Variants in HIRA observed in about 807,000 individuals in gnomAD.
HIRA encodes the protein protein HIRA.
HIRA carries 13 observed loss-of-function variants against 126.6 expected under a neutral mutation model. The observed-to-expected ratio is 0.10, with a 90% CI of 0.07 to 0.16. HIRA has a LOEUF of 0.16. Ranked by LOEUF, HIRA falls within the 10% of genes least tolerant of loss-of-function variation. The probability of loss-of-function intolerance (pLI) is 1.00; values close to 1 mark genes in which losing one functional copy is unlikely to be tolerated. For missense variants in HIRA, 834 were observed against 1,314.4 expected, an observed-to-expected ratio of 0.63 and a Z score of 5.65; for synonymous variants, 511 against 520.0, an observed-to-expected ratio of 0.98 and a Z score of 0.24.
chr22:19,361,128 C>A, intron 17 of HIRA, 109 bp downstream of exon 17: 1 of 835,260 alleles, frequency 1.2e-6, no homozygotes, highest in Non-Finnish European at 2.0e-6. Flanking sequence ...GATGGAGAGC[C>A]ACTGGAAACC....
intron 24 of HIRA, among the ~76,000 whole-genome samples, chr22:19,335,952 T>C (rs112885556): frequency 6.6e-6 from 1 of 152,252 alleles, no homozygotes; most frequent in African/African-American, 2.4e-5. Flanking sequence ...GTACTGCACT[T>C]TCTCATCGTT....
At chr22:19,344,983 C>T (rs922016328) in intron 24 of HIRA, among the ~76,000 whole-genome samples, 2 of 152,118 alleles carry the variant, frequency 1.3e-5, no homozygotes, top group Non-Finnish European at 2.9e-5. Flanking sequence ...AAAACTATCT[C>T]GACATAGTAA....
At chr22:19,420,823 C>T (rs1041837639) in intron 1 of HIRA, among the ~76,000 whole-genome samples, 1 of 152,204 alleles carries the variant, frequency 6.6e-6, no homozygotes, top group Non-Finnish European at 1.5e-5. Flanking sequence ...CAAAACTGCA[C>T]TTACATCCCT....
chr22:19,331,666 G>A, intron 24 of HIRA, 110 bp from the exon 25 acceptor site: 2 of 1,024,966 alleles, frequency 2.0e-6, no homozygotes, highest in Non-Finnish European at 2.9e-6. Context: ...GAGAAGGAAA[G>A]AACAATTCCT....
At chr22:19,350,927 C>G (rs577593212) in intron 24 of HIRA, 1 of 159,608 alleles carries the variant, frequency 6.3e-6, no homozygotes, top group East Asian at 1.9e-4. Context: ...TTCCTGGTCA[C>G]TCCTTCCCAG....
intron 15 of HIRA, chr22:19,365,722 G>A (rs1298367522): frequency 1.3e-5 from 2 of 152,214 alleles, no homozygotes; most frequent in Non-Finnish European, 1.5e-5. Context: ...TGAACAAGGA[G>A]CATTTTCATC....
intron 1 of HIRA, among the ~76,000 whole-genome samples, chr22:19,422,790 G>A (rs1472337410): frequency 2.6e-5 from 4 of 152,194 alleles, no homozygotes; most frequent in African/African-American, 7.2e-5. Flanking sequence ...TCTGTGGAGT[G>A]TTGGCAGCCC....
chr22:19,375,742 G>C lies in HIRA; in HGVS notation c.1664C>G (p.Thr555Ser). Reference sequence around the variant, plus strand: ...TTTCATGGGTTCGATCTTGGACGGGGTCGTTAACACAGAAGGTGACAATGC... The same window carrying C: ...TTTCATGGGTTCGATCTTGGACGGGCTCGTTAACACAGAAGGTGACAATGC... Reference protein sequence around the residue: ...PAALSPSVLTTPSKIEPMKAF... With the variant: ...PAALSPSVLTSPSKIEPMKAF... The change falls in exon 15 of 25, where the codon ACC (threonine) becomes AGC (serine). Residue 555 changes from threonine (T) to serine (S), a missense_variant. By Grantham distance (58) the Thr-to-Ser change is moderately conservative. Transcript: ENST00000263208. 2 of 1,614,150 alleles carry C rather than the reference G, an allele frequency of 1.2e-6. No individual in the cohort carries two copies. The highest frequency in any genetic ancestry group is 1.7e-6 in the Non-Finnish European group (2 of 1,180,020).
chr22:19,388,213 T>C (rs926447826), intron 10 of HIRA, among the ~76,000 whole-genome samples: 1 of 152,246 alleles, frequency 6.6e-6, no homozygotes, highest in Admixed American at 6.5e-5. Context: ...AAGTGGAACA[T>C]ACTAGGATCA....
chr22:19,361,397 G>A, intron 16 of HIRA, 56 bp from the exon 17 acceptor site: 1 of 1,445,672 alleles, frequency 6.9e-7, no homozygotes, highest in Non-Finnish European at 9.7e-7. Flanking sequence ...GGTAGCATTT[G>A]GTAAAGGCAG....
At position 19,388,554 on chromosome 22, in the gene HIRA, G is replaced by C; in HGVS notation, c.937C>G (p.Leu313Val). 6.2e-7 allele frequency: 1 copy of C among 1,611,892 alleles called. No homozygotes were observed. The highest frequency in any genetic ancestry group is 8.5e-7 in the Non-Finnish European group (1 of 1,177,916). Reference sequence around the variant, plus strand: ...ACCAGCGGCCGTTTCAGACATGTGAGCTGGAAGGAAAGACACAGTCAAGGT... The same window carrying C: ...ACCAGCGGCCGTTTCAGACATGTGACCTGGAAGGAAAGACACAGTCAAGGT... ...GSKDRSLSVW[L>V]TCLKRPLVVI... Residue 313 changes from leucine to valine, a missense_variant and splice_region_variant, in exon 10 of 25, where the codon CTC becomes GTC. By Grantham distance (32) the Leu-to-Val change is conservative. Transcript: ENST00000263208.
At chr22:19,410,468 A>G (rs1039754829) in intron 2 of HIRA, among the ~76,000 whole-genome samples, 3 of 152,248 alleles carry the variant, frequency 2.0e-5, no homozygotes, top group Non-Finnish European at 4.4e-5. Flanking sequence ...ACTGATTTTA[A>G]TATTAACTCA....
At chr22:19,380,663 A>G (rs571415716) in intron 13 of HIRA, among the ~76,000 whole-genome samples, 12 of 152,244 alleles carry the variant, frequency 7.9e-5, no homozygotes, top group African/African-American at 2.9e-4. Context: ...CCCAGGCTGG[A>G]GAGTGGCACT....
intron 1 of HIRA, among the ~76,000 whole-genome samples, chr22:19,418,498 G>C (rs1293399196): frequency 1.3e-5 from 2 of 151,960 alleles, no homozygotes; most frequent in Non-Finnish European, 2.9e-5. Context: ...GCATGGTGGT[G>C]GCAGGCGCCT....
At chr22:19,356,115 C>T in intron 20 of HIRA, 115 bp downstream of exon 20, 2 of 991,448 alleles carry the variant, frequency 2.0e-6, no homozygotes, top group Non-Finnish European at 3.2e-6. Context: ...CCTCCTGCCT[C>T]ACTGAGAGCC....
chr22:19,396,992 C>T (rs1291249673), intron 6 of HIRA, 45 bp from the exon 7 acceptor site: 7 of 1,579,890 alleles, frequency 4.4e-6, no homozygotes, highest in Non-Finnish European at 5.2e-6. Context: ...CTGAGGGAAA[C>T]ATGACCTGCA....
chr22:19,386,907 C>T (rs960298947), intron 11 of HIRA, among the ~76,000 whole-genome samples: 13 of 152,222 alleles, frequency 8.5e-5, no homozygotes, highest in Admixed American at 6.5e-5. Flanking sequence ...AAGGGGTTCA[C>T]ATTTTAGTGG....
chr22:19,406,730 ATG>A (rs1178492256), intron 4 of HIRA, among the ~76,000 whole-genome samples: 1 of 152,200 alleles, frequency 6.6e-6, no homozygotes, highest in Non-Finnish European at 1.5e-5. Context: ...TTTCCAGGTG[ATG>A]GTTAGCTCCT....
intron 11 of HIRA, 24 bp downstream of exon 11, chr22:19,387,684 CCAG>C: frequency 6.3e-7 from 1 of 1,582,582 alleles, no homozygotes; most frequent in East Asian, 2.2e-5. Context: ...CACAGAGCAC[CCAG>C]CAGCACAAGA....
Sources: gnomAD v4.1 joint callset for allele counts (sites outside exome capture counted in the v4.1 genomes callset) on GRCh38, gnomAD v4.1.1 for gene constraint, MANE v1.5 for transcripts, NCBI Gene and HGNC (gene_info 2026-07-23, HGNC 2026-07-21) for gene names.